The following VAMP7 variants were observed in gnomAD, a reference collection of about 807,000 sequenced individuals.
The protein encoded by VAMP7 is vesicle associated membrane protein 7, also known as vesicle-associated membrane protein 7.
VAMP7 carries 14 observed loss-of-function variants against 29.6 expected under a neutral mutation model. That is an observed-to-expected ratio of 0.47 (90% CI 0.31 to 0.74). The LOEUF is 0.74. VAMP7 is among the 30% of genes least tolerant of loss of function. The pLI is 0.05. For synonymous variants in VAMP7, 95 were observed against 88.1 expected (o/e 1.08, Z -0.44); for missense variants, 223 against 262.4 (o/e 0.85, Z 1.04).
intron 5 of VAMP7, among the ~76,000 whole-genome samples, chrX:155,908,573 G>GGGGAGA (rs974699853): frequency 6.7e-6 from 1 of 149,342 alleles, no homozygotes; most frequent in Non-Finnish European, 1.5e-5. Flanking sequence ...AGAGGGGGAG[G>GGGGAGA]GGGAGAGGGA....
In VAMP7 at chrX:155,943,046, T is replaced by G. The variant is rs1265745052; in HGVS notation, c.*1095T>G. 6.6e-6 allele frequency: 1 copy of G among 151,126 alleles called. No individual in the cohort carries two copies. The highest frequency in any genetic ancestry group is 1.9e-4 in the East Asian group (1 of 5,148). The allele number at this position is 151,126 out of a possible 1,614,324, so 9.4% of individuals were successfully genotyped here. On this transcript the variant is annotated 3_prime_UTR_variant, in exon 8 of 8. Transcript: ENST00000286448. ...GAAAGAGAATAGACAGTATGACATA[T>G]AGAATTAATACAAAACAGTTTAACA... is the stretch of plus-strand genomic sequence containing the variant.
intron 3 of VAMP7, among the ~76,000 whole-genome samples, chrX:155,896,815 A>G (rs1345520262): frequency 6.6e-6 from 1 of 152,170 alleles, no homozygotes; most frequent in African/African-American, 2.4e-5. Context: ...CAGGGTTCCT[A>G]ATCTTTATTG....
At chrX:155,933,444 G>A (rs2066595911) in intron 6 of VAMP7, among the ~76,000 whole-genome samples, 1 of 152,256 alleles carries the variant, frequency 6.6e-6, no homozygotes, top group South Asian at 2.1e-4. Context: ...GGGTGTATGT[G>A]TCAAGGAATT....
rs1434802948 is a variant in VAMP7, at chrX:155,943,681, A to T, written c.*1730A>T. The T allele has an allele frequency of 6.6e-6, 1 of 152,134 alleles. No homozygotes were observed. The highest frequency in any genetic ancestry group is 2.4e-5 in the African/African-American group (1 of 41,440). The allele number at this position is 152,134 out of a possible 1,614,324, so 9.4% of individuals were successfully genotyped here. Reference sequence around the variant, plus strand: ...TACCTAACTGTTCCTTGGTCTATTTATGTATAAGAATGCTTTTTAAAGCAC... The same window carrying T: ...TACCTAACTGTTCCTTGGTCTATTTTTGTATAAGAATGCTTTTTAAAGCAC... On this transcript the variant is annotated 3_prime_UTR_variant, in exon 8 of 8. Coordinates refer to ENST00000286448, the MANE Select transcript of VAMP7 (RefSeq NM_005638.6).
At chrX:155,924,277 TGTG>T (rs979036368) in intron 6 of VAMP7, among the ~76,000 whole-genome samples, 4 of 152,194 alleles carry the variant, frequency 2.6e-5, no homozygotes, top group South Asian at 2.1e-4. Flanking sequence ...TTATTAAAAT[TGTG>T]GTAAAATATG....
intron 6 of VAMP7, among the ~76,000 whole-genome samples, chrX:155,933,409 A>G (rs941572471): frequency 2.6e-5 from 4 of 152,060 alleles, no homozygotes; most frequent in Non-Finnish European, 4.4e-5. Flanking sequence ...CAGAGATTCA[A>G]CTTCTTCCTG....
chrX:155,938,852 T>C (rs894207240), intron 6 of VAMP7, among the ~76,000 whole-genome samples: 2 of 152,194 alleles, frequency 1.3e-5, no homozygotes, highest in African/African-American at 4.8e-5. Flanking sequence ...ATTCTGTTTA[T>C]GTCAAGTTTC....
intron 6 of VAMP7, among the ~76,000 whole-genome samples, chrX:155,936,116 G>A (rs934687291): frequency 5.3e-5 from 8 of 152,132 alleles, no homozygotes; most frequent in African/African-American, 1.9e-4. Context: ...TCTACTGGGG[G>A]GTACCTCCCA....
In VAMP7 at chrX:155,942,979, T is replaced by C. The variant is rs2066768895; in HGVS notation, c.*1028T>C. ...GAGCATTCTTTGTGGTTAAATAAATTCTTAAATCTGCCTAGTTTTGATGAA... is the reference window on the plus strand; with the variant it reads ...GAGCATTCTTTGTGGTTAAATAAATCCTTAAATCTGCCTAGTTTTGATGAA... On this transcript the variant is annotated 3_prime_UTR_variant, in exon 8 of 8. Transcript: ENST00000286448. 1.3e-5 allele frequency: 2 copies of C among 151,764 alleles called. No homozygotes were observed. Among genetic ancestry groups the C allele is most frequent in the Admixed American group, 1.3e-4 (2 of 15,200 alleles). 9.4% of individuals were successfully genotyped at this position (151,764 alleles called of 1,614,324 possible).
Position 155,884,193 on chromosome X carries a change from T to C in VAMP7, c.-10+2745T>C, listed in dbSNP as rs1214604072. On this transcript the variant is annotated intron_variant, in intron 1 of 7. Coordinates refer to ENST00000286448, the MANE Select transcript of VAMP7 (RefSeq NM_005638.6). ...CCCAGGCTGGAGTGCAATGGCATGA[T>C]CTTGGCTCACCTCAGCCTCCACTTC... Among the ~76,000 whole-genome samples, 4 of 152,084 alleles carry C rather than the reference T, an allele frequency of 2.6e-5. No individual in the cohort carries two copies. The East Asian group carries it at 5.8e-4, about 22-fold the overall frequency.
At chrX:155,915,020 A>G (rs2066290845) in intron 5 of VAMP7, among the ~76,000 whole-genome samples, 1 of 152,114 alleles carries the variant, frequency 6.6e-6, no homozygotes, top group African/African-American at 2.4e-5. Context: ...TAGGCTATTA[A>G]TTACTGCCTC....
chrX:155,928,994 T>G (rs1371126531), intron 6 of VAMP7, among the ~76,000 whole-genome samples: 7 of 152,254 alleles, frequency 4.6e-5, no homozygotes, highest in Non-Finnish European at 1.0e-4. Flanking sequence ...TTTCTTCATA[T>G]GAGTTTGTGG....
chrX:155,898,288 C>A (rs757543399), intron 4 of VAMP7, 39 bp downstream of exon 4: 1 of 1,606,120 alleles, frequency 6.2e-7, no homozygotes, highest in Admixed American at 1.7e-5. Flanking sequence ...TGATTTATAT[C>A]TTCTTCATTA....
intron 2 of VAMP7, among the ~76,000 whole-genome samples, chrX:155,892,228 T>C (rs2065933564): frequency 1.3e-5 from 2 of 152,172 alleles, no homozygotes; most frequent in African/African-American, 4.8e-5. Context: ...TGTTATCTTC[T>C]AGGAATGCTG....
chrX:155,891,910 T>A (rs1317126189), intron 2 of VAMP7, among the ~76,000 whole-genome samples: 1 of 152,198 alleles, frequency 6.6e-6, no homozygotes, highest in African/African-American at 2.4e-5. Flanking sequence ...CTTTATACTT[T>A]CTCTAAAAAT....
At chrX:155,881,925 A>G (rs1212438414) in intron 1 of VAMP7, among the ~76,000 whole-genome samples, 3 of 151,900 alleles carry the variant, frequency 2.0e-5, no homozygotes, top group African/African-American at 7.3e-5. Flanking sequence ...CTGTTCAGGG[A>G]CTGTATTTCT....
chrX:155,916,079 T>C (rs1351473772), intron 5 of VAMP7, among the ~76,000 whole-genome samples: 3 of 152,238 alleles, frequency 2.0e-5, no homozygotes, highest in African/African-American at 7.2e-5. Flanking sequence ...TTAGCTCTTC[T>C]TGTTGCATTG....
intron 1 of VAMP7, among the ~76,000 whole-genome samples, chrX:155,888,515 G>A (rs1356086958): frequency 1.3e-5 from 2 of 152,126 alleles, no homozygotes; most frequent in African/African-American, 4.8e-5. Flanking sequence ...ACAGTTAATC[G>A]AAGACTAGAC....
chrX:155,942,955 A>G lies in VAMP7; in HGVS notation c.*1004A>G, dbSNP rs527465560. ...TGATTCCTGTTGAATAATAGTTTTG[A>G]GCATTCTTTGTGGTTAAATAAATTC... is the stretch of plus-strand genomic sequence containing the variant. On this transcript the variant is annotated 3_prime_UTR_variant, in exon 8 of 8. Coordinates refer to ENST00000286448, the MANE Select transcript of VAMP7 (RefSeq NM_005638.6). The G allele has an allele frequency of 6.6e-6, 1 of 151,828 alleles. No individual in the cohort carries two copies. The allele number at this position is 151,828 out of a possible 1,614,324, so 9.4% of individuals were successfully genotyped here. A position where few individuals can be genotyped will look rare whatever the true frequency, so the allele number is the denominator to read the frequency against.
Sources: allele counts gnomAD v4.1 joint callset (sites outside exome capture counted in the v4.1 genomes callset), GRCh38; gene constraint gnomAD v4.1.1; transcripts MANE v1.5; gene names NCBI Gene and HGNC (gene_info 2026-07-23, HGNC 2026-07-21).